The following SUPT3H variants were observed in gnomAD, a reference collection of about 807,000 sequenced individuals.
The protein encoded by SUPT3H is SPT3 homolog, SAGA and STAGA complex component, also known as transcription initiation protein SPT3 homolog.
SUPT3H carries 44 observed loss-of-function variants against 44.3 expected under a neutral mutation model. That is an observed-to-expected ratio of 0.99 (90% CI 0.78 to 1.28). The LOEUF is 1.28. SUPT3H is among the 50% of genes most tolerant of loss of function. The probability of loss-of-function intolerance (pLI) is 0.00; values close to 1 mark genes in which losing one functional copy is unlikely to be tolerated. For synonymous variants in SUPT3H, 124 were observed against 125.6 expected, an observed-to-expected ratio of 0.99 and a Z score of 0.09; for missense variants, 380 against 387.1, an observed-to-expected ratio of 0.98 and a Z score of 0.15.
intron 9 of SUPT3H, among the ~76,000 whole-genome samples, chr6:44,949,353 A>G (rs577407468): frequency 1.3e-5 from 2 of 152,148 alleles, no homozygotes; most frequent in African/African-American, 4.8e-5. Flanking sequence ...ACAAACCTGC[A>G]GGTTGTGCAC....
At chr6:44,877,246 C>T (rs954638566) in intron 10 of SUPT3H, among the ~76,000 whole-genome samples, 8 of 152,146 alleles carry the variant, frequency 5.3e-5, no homozygotes, top group African/African-American at 1.9e-4. Flanking sequence ...GCAGGCAGAT[C>T]ACCTGAGGTC....
At chr6:45,044,128 G>C (rs1789008989) in intron 3 of SUPT3H, among the ~76,000 whole-genome samples, 2 of 152,280 alleles carry the variant, frequency 1.3e-5, no homozygotes, top group Non-Finnish European at 2.9e-5. Flanking sequence ...AGCAGTAGTA[G>C]TAGAGGCAGT....
chr6:45,240,612 C>A (rs900928751), intron 2 of SUPT3H, among the ~76,000 whole-genome samples: 2 of 152,214 alleles, frequency 1.3e-5, no homozygotes, highest in Non-Finnish European at 2.9e-5. Flanking sequence ...TGCTGCGCAG[C>A]GATTCCTATG....
chr6:45,243,190 T>G (rs1770689731), intron 2 of SUPT3H, among the ~76,000 whole-genome samples: 1 of 92,540 alleles, frequency 1.1e-5, no homozygotes, highest in Non-Finnish European at 2.0e-5. Flanking sequence ...AGAGCGAGAC[T>G]CCTTCTCAAA....
intron 2 of SUPT3H, among the ~76,000 whole-genome samples, chr6:45,111,311 T>G (rs1800024966): frequency 6.6e-6 from 1 of 152,150 alleles, no homozygotes; most frequent in Admixed American, 6.5e-5. Flanking sequence ...GATTATAGGC[T>G]TGATCCACTG....
At chr6:45,283,778 T>G (rs923282240) in intron 2 of SUPT3H, among the ~76,000 whole-genome samples, 1 of 151,862 alleles carries the variant, frequency 6.6e-6, no homozygotes, top group Admixed American at 6.6e-5. Flanking sequence ...ATCAACAGAA[T>G]ATACATTCTT....
intron 6 of SUPT3H, among the ~76,000 whole-genome samples, chr6:44,983,498 A>C (rs193250669): frequency 2.0e-5 from 3 of 152,148 alleles, no homozygotes; most frequent in Admixed American, 6.6e-5. Flanking sequence ...CTGAAGAAAG[A>C]AAGAAAGAAA....
intron 2 of SUPT3H, among the ~76,000 whole-genome samples, chr6:45,150,416 C>T (rs567071124): frequency 5.7e-4 from 87 of 152,008 alleles, no homozygotes; most frequent in African/African-American, 1.9e-3. Context: ...AGCTATCATA[C>T]GAAATACACA....
chr6:45,349,606 A>G (rs958809975), intron 2 of SUPT3H, among the ~76,000 whole-genome samples: 37 of 152,304 alleles, frequency 2.4e-4, no homozygotes, highest in African/African-American at 8.7e-4. Flanking sequence ...ATGCACACTA[A>G]GGTTTGGGAA....
chr6:45,203,161 G>A (rs1762691306), intron 2 of SUPT3H, among the ~76,000 whole-genome samples: 2 of 152,130 alleles, frequency 1.3e-5, no homozygotes, highest in Admixed American at 1.3e-4. Flanking sequence ...TACAGGGCAT[G>A]GAGTAAATGG....
intron 2 of SUPT3H, among the ~76,000 whole-genome samples, chr6:45,111,419 A>G (rs1440213680): frequency 6.6e-6 from 1 of 152,052 alleles, no homozygotes; most frequent in Non-Finnish European, 1.5e-5. Flanking sequence ...TGTTATCAGC[A>G]TGACCAATCA....
At chr6:45,235,938 C>G (rs748455642) in intron 2 of SUPT3H, among the ~76,000 whole-genome samples, 1 of 152,272 alleles carries the variant, frequency 6.6e-6, no homozygotes, top group Non-Finnish European at 1.5e-5. Flanking sequence ...ATGGCATGAG[C>G]GATCTGTGCC....
intron 3 of SUPT3H, among the ~76,000 whole-genome samples, chr6:45,073,129 G>T (rs1329395527): frequency 5.9e-5 from 9 of 152,022 alleles, no homozygotes; most frequent in Non-Finnish European, 1.0e-4. Flanking sequence ...TTGACAGATA[G>T]TCTTCATTAT....
chr6:44,967,815 G>A (rs1261021615), intron 6 of SUPT3H, among the ~76,000 whole-genome samples: 1 of 151,916 alleles, frequency 6.6e-6, no homozygotes, highest in Non-Finnish European at 1.5e-5. Flanking sequence ...TTTGAGACAG[G>A]GTCTTGCTCT....
At position 45,142,973 on chromosome 6, in the gene SUPT3H, T is replaced by C. The variant is rs139989648; in HGVS notation, c.102-36967A>G. On this transcript the variant is annotated intron_variant, in intron 2 of 10. Transcript: ENST00000371459. ...TTAAAAAAAAAGACAAAGAGGGACA[T>C]TACATAATAAAAGAGTAAGTCCAAC... Among the ~76,000 whole-genome samples, 328 of 151,582 alleles carry C rather than the reference T, an allele frequency of 2.2e-3. 1 individual carries two copies. Among genetic ancestry groups the C allele is most frequent in the African/African-American group, 7.5e-3 (310 of 41,334 alleles).
intron 9 of SUPT3H, among the ~76,000 whole-genome samples, chr6:44,945,565 A>G (rs1183008086): frequency 6.6e-6 from 1 of 152,206 alleles, no homozygotes; most frequent in African/African-American, 2.4e-5. Flanking sequence ...AGAATGTTTC[A>G]GTAGGATGAA....
chr6:45,368,824 T>TTA (rs1795571267), intron 1 of SUPT3H, among the ~76,000 whole-genome samples: 1 of 152,128 alleles, frequency 6.6e-6, no homozygotes, highest in African/African-American at 2.4e-5. Flanking sequence ...TAGAAAACTT[T>TTA]TATAATTAGA....
chr6:45,286,499 C>T (rs1779302103), intron 2 of SUPT3H, among the ~76,000 whole-genome samples: 2 of 152,106 alleles, frequency 1.3e-5, no homozygotes, highest in African/African-American at 4.8e-5. Context: ...AAATGCTCAT[C>T]ATCACTGGCC....
intron 2 of SUPT3H, among the ~76,000 whole-genome samples, chr6:45,174,319 C>T (rs1811319590): frequency 6.6e-6 from 1 of 152,186 alleles, no homozygotes; most frequent in Admixed American, 6.5e-5. Flanking sequence ...AGTGATAAAG[C>T]AGAAGTGTAT....
Sources: gnomAD v4.1 joint callset for allele counts (sites outside exome capture counted in the v4.1 genomes callset) on GRCh38, gnomAD v4.1.1 for gene constraint, MANE v1.5 for transcripts, NCBI Gene and HGNC (gene_info 2026-07-23, HGNC 2026-07-21) for gene names.